Variants in PTPRM observed in about 807,000 individuals in gnomAD.
The protein encoded by PTPRM is receptor-type tyrosine-protein phosphatase mu.
Under a neutral mutation model 186.7 loss-of-function variants are expected in PTPRM, and 47 were observed. That is an observed-to-expected ratio of 0.25 (90% confidence interval 0.20 to 0.32). PTPRM has a LOEUF of 0.32. Ranked by LOEUF, PTPRM falls within the 10% of genes least tolerant of loss-of-function variation. The pLI, the probability that PTPRM is intolerant of heterozygous loss-of-function variation, is 1.00. For synonymous variants in PTPRM, 668 were observed against 674.9 expected (o/e 0.99, Z 0.16); for missense variants, 1,494 against 1,865.0 (o/e 0.80, Z 3.66).
intron 2 of PTPRM, among the ~76,000 whole-genome samples, chr18:7,884,953 G>GAAAAAAAAAAAAAC (rs2048708561): frequency 9.1e-6 from 1 of 110,472 alleles, no homozygotes; most frequent in Non-Finnish European, 2.0e-5. Flanking sequence ...AAAAAAAAAG[G>GAAAAAAAAAAAAAC]AGAGAGAGAA....
rs866161685 is a variant in PTPRM, at chr18:7,676,667, G to A, written c.74-97482G>A. ...TGTGTGTGTGTGTGTGTGTGTATGT[G>A]TGTGTGTGTGTGTGTGTGTGTGCGC... On this transcript the variant is annotated intron_variant, in intron 1 of 32. Transcript: ENST00000580170. 5.2e-3 allele frequency among the ~76,000 whole-genome samples: 661 copies of A among 127,724 alleles called. 4 individuals are homozygous for A. Among genetic ancestry groups the A allele is most frequent in the African/African-American group, 0.015 (489 of 32,548 alleles). The allele number at this position is 127,724 out of a possible 152,430, so 83.8% of individuals were successfully genotyped here. A position where few individuals can be genotyped will look rare whatever the true frequency, so the allele number is the denominator to read the frequency against.
chr18:8,090,156 A>G (rs1054734631), intron 11 of PTPRM, among the ~76,000 whole-genome samples: 5 of 152,164 alleles, frequency 3.3e-5, no homozygotes, highest in South Asian at 2.1e-4. Flanking sequence ...CACTAATCCA[A>G]TGGACCCAAG....
chr18:8,237,078 T>G (rs369053059), intron 14 of PTPRM, among the ~76,000 whole-genome samples: 41 of 152,284 alleles, frequency 2.7e-4, no homozygotes, highest in African/African-American at 9.4e-4. Context: ...TTACAGCTAG[T>G]CCAAGTCTAC....
At chr18:7,912,537 A>G (rs917651343) in intron 4 of PTPRM, among the ~76,000 whole-genome samples, 1 of 152,002 alleles carries the variant, frequency 6.6e-6, no homozygotes, top group African/African-American at 2.4e-5. Flanking sequence ...TTTGAGACAG[A>G]GTCTCACTCT....
intron 23 of PTPRM, among the ~76,000 whole-genome samples, chr18:8,365,482 T>A (rs2095623137): frequency 1.3e-5 from 2 of 152,206 alleles, no homozygotes. Context: ...GTTGCAATGA[T>A]CTTGAAAATG....
chr18:8,392,199 G>T (rs1251330141), intron 31 of PTPRM, among the ~76,000 whole-genome samples: 1 of 150,270 alleles, frequency 6.7e-6, no homozygotes, highest in Non-Finnish European at 1.5e-5. Flanking sequence ...ATCTGAGAGT[G>T]GATTTTTTAA....
At chr18:7,665,356 A>G (rs1407557041) in intron 1 of PTPRM, among the ~76,000 whole-genome samples, 1 of 152,104 alleles carries the variant, frequency 6.6e-6, no homozygotes, top group Non-Finnish European at 1.5e-5. Context: ...ATGATGTTGT[A>G]CAGTCTATGG....
intron 24 of PTPRM, among the ~76,000 whole-genome samples, chr18:8,373,545 A>C (rs932306641): frequency 2.6e-5 from 4 of 152,206 alleles, no homozygotes; most frequent in Admixed American, 2.0e-4. Flanking sequence ...CAAAGTTGAC[A>C]ATGGTCACTG....
At chr18:7,639,199 C>T (rs1379209905) in intron 1 of PTPRM, among the ~76,000 whole-genome samples, 9 of 151,804 alleles carry the variant, frequency 5.9e-5, no homozygotes, top group African/African-American at 1.2e-4. Context: ...CTCAGCCTCC[C>T]GAGTACCTGG....
intron 22 of PTPRM, among the ~76,000 whole-genome samples, chr18:8,330,278 T>C (rs1357245005): frequency 6.6e-6 from 1 of 152,154 alleles, no homozygotes; most frequent in Non-Finnish European, 1.5e-5. Flanking sequence ...GTTTAGGAAG[T>C]TTCTAGCTAT....
Position 7,931,105 on chromosome 18 carries a change from A to G in PTPRM, c.663+4422A>G, listed in dbSNP as rs116055569. On this transcript the variant is annotated intron_variant, in intron 5 of 32. Coordinates refer to ENST00000580170, the MANE Select transcript of PTPRM (RefSeq NM_001105244.2). ...TCTTGTATCGAAAAACCTATATGCAATGCAGTTCTTGAAGATACTTGTGAT... is the reference window on the plus strand; with the variant it reads ...TCTTGTATCGAAAAACCTATATGCAGTGCAGTTCTTGAAGATACTTGTGAT... Among the ~76,000 whole-genome samples, 735 of 152,244 alleles carry G rather than the reference A, an allele frequency of 4.8e-3. 6 individuals are homozygous for G. Among genetic ancestry groups the G allele is most frequent in the African/African-American group, 0.017 (697 of 41,562 alleles).
intron 24 of PTPRM, among the ~76,000 whole-genome samples, chr18:8,373,187 G>T (rs2095674300): frequency 6.6e-6 from 1 of 152,168 alleles, no homozygotes; most frequent in Non-Finnish European, 1.5e-5. Flanking sequence ...ATTTCTTATA[G>T]GTTTTAAACT....
rs73939453 is a variant in PTPRM at position 8,370,113 on chromosome 18, T to C, written c.3055-777T>C. 4.1e-3 allele frequency among the ~76,000 whole-genome samples: 629 copies of C among 151,946 alleles called. 5 individuals carry two copies. The highest frequency in any genetic ancestry group is 0.014 in the African/African-American group (597 of 41,386). On this transcript the variant is annotated intron_variant, in intron 23 of 32. Transcript: ENST00000580170. ...AGGCAGAAGAGGCCAAGGACAGAGC[T>C]TTGAGGTGGTCACGTGTTCCTGCCC... is the stretch of plus-strand genomic sequence containing the variant.
chr18:8,275,818 G>A (rs1040279943), intron 19 of PTPRM, among the ~76,000 whole-genome samples: 1 of 152,096 alleles, frequency 6.6e-6, no homozygotes, highest in Non-Finnish European at 1.5e-5. Context: ...GTCTCTGATC[G>A]ATTCAGTCAT....
intron 7 of PTPRM, among the ~76,000 whole-genome samples, chr18:7,983,202 CCTGT>C (rs1376913928): frequency 6.6e-6 from 1 of 152,116 alleles, no homozygotes; most frequent in Admixed American, 6.6e-5. Context: ...AGTTCCACCT[CCTGT>C]CAGATCAGCA....
chr18:8,375,683 C>A (rs1439007237), intron 24 of PTPRM, among the ~76,000 whole-genome samples: 1 of 152,206 alleles, frequency 6.6e-6, no homozygotes. Context: ...GCCTCTTTCT[C>A]TACAGACTCT....
In PTPRM at chr18:7,567,925, C is replaced by T. The variant is rs747465829; in HGVS notation, c.73+34C>T. 3.9e-6 allele frequency: 6 copies of T among 1,522,876 alleles called. No individual in the cohort carries two copies. The highest frequency in any genetic ancestry group is 4.4e-6 in the Non-Finnish European group (5 of 1,145,182). 94.3% of individuals were successfully genotyped at this position (1,522,876 alleles called of 1,614,324 possible). Reference sequence around the variant, plus strand: ...GACCGCCTCTGCCGCCCCCGAGGCGCGCGGGCCGGCGCGGGACGCCCGGGA... The same window carrying T: ...GACCGCCTCTGCCGCCCCCGAGGCGTGCGGGCCGGCGCGGGACGCCCGGGA... On this transcript the variant is annotated intron_variant, in intron 1 of 32. Transcript: ENST00000580170. The surrounding 1 kb of genome is among the most constrained non-coding windows in gnomAD (Gnocchi z 4.3).
intron 2 of PTPRM, among the ~76,000 whole-genome samples, chr18:7,860,470 G>A (rs1239233583): frequency 1.3e-5 from 2 of 152,106 alleles, no homozygotes; most frequent in Non-Finnish European, 2.9e-5. Flanking sequence ...AGTGCAGGGG[G>A]CGGGGGTCTG....
At chr18:7,905,284 C>T (rs1018014388) in intron 3 of PTPRM, among the ~76,000 whole-genome samples, 23 of 152,162 alleles carry the variant, frequency 1.5e-4, no homozygotes, top group Admixed American at 7.9e-4. Context: ...TGAGCCACCG[C>T]GCCCAGCCCT....
Sources: allele counts gnomAD v4.1 joint callset (sites outside exome capture counted in the v4.1 genomes callset), GRCh38; gene constraint gnomAD v4.1.1; non-coding constraint Gnocchi (gnomAD v3.1); transcripts MANE v1.5; gene names NCBI Gene and HGNC (gene_info 2026-07-23, HGNC 2026-07-21).